PSMD14: variants seen among roughly 807,000 people sequenced by gnomAD.
PSMD14 encodes the protein proteasome 26S subunit, non-ATPase 14.
A neutral mutation model predicts 41.2 loss-of-function variants in PSMD14; 7 were observed. The ratio of observed to expected loss-of-function variants is 0.17; its 90% CI spans 0.10 to 0.32. PSMD14 has a LOEUF of 0.32. Ranked by LOEUF, PSMD14 falls within the 10% of genes least tolerant of loss-of-function variation. The probability of loss-of-function intolerance (pLI) is 1.00; values close to 1 mark genes in which losing one functional copy is unlikely to be tolerated. For synonymous variants in PSMD14, 114 were observed against 122.3 expected, an observed-to-expected ratio of 0.93 and a Z score of 0.45; for missense variants, 139 against 375.6, an observed-to-expected ratio of 0.37 and a Z score of 5.21.
chr2:161,389,093 A>G (rs1683672401), intron 8 of PSMD14, among the ~76,000 whole-genome samples: 1 of 152,154 alleles, frequency 6.6e-6, no homozygotes. Flanking sequence ...ATATAATGTA[A>G]TTGAAAATCA....
chr2:161,331,590 A>G (rs1243816123), intron 3 of PSMD14, among the ~76,000 whole-genome samples: 2 of 152,158 alleles, frequency 1.3e-5, no homozygotes, highest in East Asian at 1.9e-4. Flanking sequence ...GCCATTCTAT[A>G]AGGCTTTTGC....
chr2:161,325,712 C>T (rs981124334), intron 3 of PSMD14, among the ~76,000 whole-genome samples: 1 of 151,934 alleles, frequency 6.6e-6, no homozygotes, highest in Non-Finnish European at 1.5e-5. Context: ...CAAAGAAATT[C>T]CTAAAAAGGA....
chr2:161,395,166 TA>T lies in PSMD14; in HGVS notation c.738del (p.Glu247ArgfsTer5). On this transcript the variant is annotated frameshift_variant, in exon 10 of 12. Coordinates refer to ENST00000409682, the MANE Select transcript of PSMD14 (RefSeq NM_005805.6). LOFTEE classifies it high-confidence loss of function. The part of the protein sequence containing the change: ...SEHCKHNESV[V>X]KEMLELAKNY... ...CATTGTAAACACAATGAATCAGTGGTAAAAGAGATGTTGGAATTAGCCAAGA... is the reference window on the plus strand; with the variant it reads ...CATTGTAAACACAATGAATCAGTGGTAAAGAGATGTTGGAATTAGCCAAGA... 1 of 1,597,654 alleles carries T rather than the reference TA, an allele frequency of 6.3e-7. No individual in the cohort carries two copies. Among genetic ancestry groups the T allele is most frequent in the Non-Finnish European group, 8.5e-7 (1 of 1,171,460 alleles).
At chr2:161,341,637 A>G (rs998305571) in intron 3 of PSMD14, among the ~76,000 whole-genome samples, 18 of 151,426 alleles carry the variant, frequency 1.2e-4, no homozygotes, top group African/African-American at 4.4e-4. Context: ...CAGGAGATTG[A>G]GACCATTCTG....
chr2:161,397,857 C>T (rs1436366796), intron 10 of PSMD14, among the ~76,000 whole-genome samples: 4 of 152,092 alleles, frequency 2.6e-5, no homozygotes, highest in African/African-American at 7.2e-5. Flanking sequence ...TTCTAGTATA[C>T]GTTTTCATGC....
intron 3 of PSMD14, among the ~76,000 whole-genome samples, chr2:161,344,321 C>G (rs1353567224): frequency 6.6e-6 from 1 of 152,092 alleles, no homozygotes; most frequent in Non-Finnish European, 1.5e-5. Context: ...GATCAGGGTG[C>G]CAGTGTGATT....
chr2:161,381,226 A>G (rs1454854118), intron 7 of PSMD14: 1 of 149,422 alleles, frequency 6.7e-6, no homozygotes, highest in Admixed American at 6.7e-5. Flanking sequence ...AATAATTTTT[A>G]TTATATATAA....
At chr2:161,359,119 C>G (rs1683251912) in intron 3 of PSMD14, among the ~76,000 whole-genome samples, 1 of 152,032 alleles carries the variant, frequency 6.6e-6, no homozygotes, top group Non-Finnish European at 1.5e-5. Context: ...CAGGCACACA[C>G]CACCATGCCT....
At chr2:161,343,006 G>T (rs1682989326) in intron 3 of PSMD14, among the ~76,000 whole-genome samples, 1 of 152,052 alleles carries the variant, frequency 6.6e-6, no homozygotes. Flanking sequence ...TGTGCTATAT[G>T]TTGAAAATCC....
rs947482199 is a variant in PSMD14 at position 161,308,479 on chromosome 2, C to A, written c.-263C>A. On this transcript the variant is annotated 5_prime_UTR_variant, in exon 1 of 12. Coordinates refer to ENST00000409682, the MANE Select transcript of PSMD14 (RefSeq NM_005805.6). The stretch of plus-strand genomic sequence containing the variant: ...TCTTTTGAATGGAATCGGGCTGATT[C>A]ATCGCCGGTTTGCAGACAGAGCCGC... 6.6e-6 allele frequency: 1 copy of A among 152,328 alleles called. No individual in the cohort carries two copies. Among genetic ancestry groups the A allele is most frequent in the Non-Finnish European group, 1.5e-5 (1 of 68,106 alleles). 9.4% of individuals were successfully genotyped at this position (152,328 alleles called of 1,614,324 possible).
At chr2:161,409,598 C>T (rs1683997952) in intron 11 of PSMD14, 1 of 152,056 alleles carries the variant, frequency 6.6e-6, no homozygotes. Context: ...TCACATCTCA[C>T]AAGCTATGTA....
rs935869763 is a variant in PSMD14 at position 161,308,484 on chromosome 2, C to T, written c.-258C>T. Reference sequence around the variant, plus strand: ...TGAATGGAATCGGGCTGATTCATCGCCGGTTTGCAGACAGAGCCGCGTCGG... The same window carrying T: ...TGAATGGAATCGGGCTGATTCATCGTCGGTTTGCAGACAGAGCCGCGTCGG... On this transcript the variant is annotated 5_prime_UTR_variant, in exon 1 of 12. Transcript: ENST00000409682. 3 of 152,296 alleles carry T rather than the reference C, an allele frequency of 2.0e-5. No homozygotes were observed. Among genetic ancestry groups the T allele is most frequent in the Admixed American group, 6.5e-5 (1 of 15,280 alleles). The allele number at this position is 152,296 out of a possible 1,614,324, so 9.4% of individuals were successfully genotyped here. A position where few individuals can be genotyped will look rare whatever the true frequency, so the allele number is the denominator to read the frequency against.
At chr2:161,353,760 C>G (rs1285687005) in intron 3 of PSMD14, among the ~76,000 whole-genome samples, 1 of 152,140 alleles carries the variant, frequency 6.6e-6, no homozygotes, top group South Asian at 2.1e-4. Flanking sequence ...AGGGCAGGGA[C>G]TTTCCTACTT....
At chr2:161,389,912 T>TA (rs1553508216) in intron 8 of PSMD14, among the ~76,000 whole-genome samples, 4 of 130,290 alleles carry the variant, frequency 3.1e-5, no homozygotes, top group African/African-American at 9.8e-5. Context: ...TTTTTTTTTT[T>TA]AGAGATGGGG....
chr2:161,411,261 A>G (rs898362028), intron 11 of PSMD14, 41 bp from the exon 12 acceptor site: 2 of 1,398,444 alleles, frequency 1.4e-6, no homozygotes, highest in African/African-American at 2.9e-5. Context: ...TCTACCAGTA[A>G]TATGGTTCTG....
At chr2:161,381,911 C>G (rs557290379) in intron 7 of PSMD14, 5 of 151,842 alleles carry the variant, frequency 3.3e-5, no homozygotes, top group East Asian at 3.9e-4. Flanking sequence ...CCAAGAGTTG[C>G]AATTAGTAAA....
chr2:161,385,490 C>G lies in PSMD14; in HGVS notation c.489C>G (p.Ile163Met). The G allele has an allele frequency of 6.2e-7, 1 of 1,606,452 alleles. No individual in the cohort carries two copies. The change falls in exon 8 of 12, where the codon ATC becomes ATG. Residue 163 changes from isoleucine to methionine, a missense_variant. Ile to Met is a conservative substitution (Grantham distance 10). Around this residue, in one of 4 missense-constraint regions of PSMD14, gnomAD observed 35 missense variants for 162.9 expected, o/e 0.21. Transcript: ENST00000409682. Reference sequence around the variant, plus strand: ...TTGTTATTGATGCCTTCAGATTGATCAATGCTAATATGATGGTCTTAGGAC... The same window carrying G: ...TTGTTATTGATGCCTTCAGATTGATGAATGCTAATATGATGGTCTTAGGAC... ...GKVVIDAFRLINANMMVLGHE... is the reference protein window; with the variant it reads ...GKVVIDAFRLMNANMMVLGHE...
At chr2:161,323,974 C>T (rs371427474) in intron 3 of PSMD14, among the ~76,000 whole-genome samples, 227 of 152,192 alleles carry the variant, frequency 1.5e-3, no homozygotes, top group African/African-American at 5.1e-3. Flanking sequence ...TAAACGATTT[C>T]CAAAAGCAGT....
At chr2:161,391,503 G>C (rs547310166) in intron 9 of PSMD14, among the ~76,000 whole-genome samples, 1 of 152,188 alleles carries the variant, frequency 6.6e-6, no homozygotes, top group South Asian at 2.1e-4. Flanking sequence ...CAATAAAAAG[G>C]CCTTTTGTAA....
Sources: allele counts gnomAD v4.1 joint callset (sites outside exome capture counted in the v4.1 genomes callset), GRCh38; gene constraint gnomAD v4.1.1; regional missense constraint gnomAD v4.1.1; transcripts MANE v1.5; gene names NCBI Gene and HGNC (gene_info 2026-07-23, HGNC 2026-07-21).